Variants in BCO1 observed in about 807,000 individuals in gnomAD.
BCO1 encodes the protein beta,beta-carotene 15,15'-dioxygenase.
In BCO1, 54 loss-of-function variants were observed where a neutral mutation model predicts 56.3. The ratio of observed to expected loss-of-function variants is 0.96; its 90% CI spans 0.77 to 1.20. The LOEUF is 1.20. Ranked by LOEUF, BCO1 falls within the 50% of genes most tolerant of loss-of-function variation. The pLI, the probability that BCO1 is intolerant of heterozygous loss-of-function variation, is 0.00. For missense variants in BCO1, 801 were observed against 690.9 expected (o/e 1.16, Z -1.79); for synonymous variants, 318 against 266.1 (o/e 1.20, Z -1.90).
Position 81,290,393 on chromosome 16 carries a change from C to CT in BCO1, c.1464dup (p.Leu489SerfsTer18). ...GTCTCTACTGATCCCCAAAAGCTGC[C>CT]TTTTCTGCTCATTCTGGATGCCAAA... On this transcript the variant is annotated frameshift_variant, in exon 11 of 11. Coordinates refer to ENST00000258168, the MANE Select transcript of BCO1 (RefSeq NM_017429.3). LOFTEE classifies it low-confidence loss of function (END_TRUNC). 3 of 1,614,198 alleles carry CT rather than the reference C, an allele frequency of 1.9e-6. No homozygotes were observed. The highest frequency in any genetic ancestry group is 1.1e-5 in the South Asian group (1 of 91,088).
chr16:81,278,208 A>G (rs1032470619), intron 7 of BCO1, among the ~76,000 whole-genome samples: 1 of 151,986 alleles, frequency 6.6e-6, no homozygotes, highest in African/African-American at 2.4e-5. Context: ...CGCAGGGCTA[A>G]TTTTTACATT....
chr16:81,249,470 A>C (rs1402457169), intron 2 of BCO1, among the ~76,000 whole-genome samples: 1 of 152,020 alleles, frequency 6.6e-6, no homozygotes, highest in African/African-American at 2.4e-5. Flanking sequence ...GTTAGCCAGG[A>C]TGGTCTTGAT....
chr16:81,262,117 G>T lies in BCO1; in HGVS notation c.324-19G>T. 1 of 1,612,922 alleles carries T rather than the reference G, an allele frequency of 6.2e-7. No homozygotes were observed. The highest frequency in any genetic ancestry group is 1.1e-5 in the South Asian group (1 of 91,048). On this transcript the variant is annotated intron_variant, in intron 3 of 10. Transcript: ENST00000258168. ...GGTGGACATAGCCACTGACTCTGTT[G>T]ATTTGCTTTTCTCCCCAGAGCTTTC...
At chr16:81,273,487 C>T (rs1176487896) in intron 7 of BCO1, among the ~76,000 whole-genome samples, 2 of 152,248 alleles carry the variant, frequency 1.3e-5, no homozygotes, top group African/African-American at 4.8e-5. Flanking sequence ...AGCCAGCGGG[C>T]AGGGGAGCTG....
At chr16:81,245,363 T>C in intron 1 of BCO1, 112 bp from the exon 2 acceptor site, 1 of 1,494,354 alleles carries the variant, frequency 6.7e-7, no homozygotes, top group East Asian at 2.3e-5. Flanking sequence ...AACGAACAGA[T>C]GCAAGGAGTG....
intron 7 of BCO1, among the ~76,000 whole-genome samples, chr16:81,278,331 C>T (rs1024916128): frequency 2.0e-5 from 3 of 152,118 alleles, no homozygotes; most frequent in African/African-American, 7.2e-5. Context: ...CATGAGCCCC[C>T]GCACTCAGCT....
rs550747782 is a variant in BCO1 at position 81,270,684 on chromosome 16, C to T, written c.1101+268C>T. 4.4e-4 allele frequency among the ~76,000 whole-genome samples: 24 copies of T among 54,096 alleles called. No individual in the cohort carries two copies. The South Asian group carries it at 0.014, about 31-fold the overall frequency. 35.5% of individuals were successfully genotyped at this position (54,096 alleles called of 152,430 possible). The stretch of plus-strand genomic sequence containing the variant: ...TATATGTTTGTCTCCCAGTCTCTCT[C>T]TCTGTGTCTGTGTGTGTGTGTGTGT... On this transcript the variant is annotated intron_variant, in intron 7 of 10. Coordinates refer to ENST00000258168, the MANE Select transcript of BCO1 (RefSeq NM_017429.3).
chr16:81,290,350 G>A lies in BCO1; in HGVS notation c.1417G>A (p.Val473Ile). Reference protein sequence around the residue: ...APGAKDEDDGVILSAIVSTDP... With the variant: ...APGAKDEDDGIILSAIVSTDP... ...GTTTTTTTTCTGTTTCCCTAAAGGA[G>A]TAATCTTATCAGCCATTGTCTCTAC... Residue 473 changes from valine to isoleucine, a missense_variant and splice_region_variant, in exon 11 of 11, where the codon GTA becomes ATA. Physicochemically the swap from Val to Ile is conservative, Grantham distance 29. Transcript: ENST00000258168. The A allele has an allele frequency of 6.2e-7, 1 of 1,612,938 alleles. No homozygotes were observed. Among genetic ancestry groups the A allele is most frequent in the Non-Finnish European group, 8.5e-7 (1 of 1,178,916 alleles).
intron 2 of BCO1, among the ~76,000 whole-genome samples, chr16:81,257,725 A>T (rs1011949992): frequency 9.9e-5 from 15 of 151,916 alleles, no homozygotes; most frequent in African/African-American, 3.1e-4. Context: ...AAAATATTTT[A>T]AAAATTAGCT....
At chr16:81,243,346 C>T (rs1905223359) in intron 1 of BCO1, among the ~76,000 whole-genome samples, 2 of 152,152 alleles carry the variant, frequency 1.3e-5, no homozygotes, top group African/African-American at 4.8e-5. Context: ...ATCCTGTTGA[C>T]CTTTGTCCCC....
intron 8 of BCO1, among the ~76,000 whole-genome samples, chr16:81,281,828 C>A (rs1372837934): frequency 6.6e-6 from 1 of 152,152 alleles, no homozygotes; most frequent in African/African-American, 2.4e-5. Context: ...CAGGAAGACC[C>A]CCATCCTGAA....
intron 2 of BCO1, among the ~76,000 whole-genome samples, chr16:81,249,681 G>A (rs1410678381): frequency 3.9e-5 from 6 of 152,186 alleles, no homozygotes; most frequent in Admixed American, 6.5e-5. Context: ...GATTACAGGC[G>A]TGAGCCACCG....
intron 5 of BCO1, among the ~76,000 whole-genome samples, chr16:81,266,633 C>T (rs970762159): frequency 8.3e-4 from 127 of 152,102 alleles, no homozygotes; most frequent in Non-Finnish European, 3.1e-4. Context: ...AATGCCATAC[C>T]TGGGGATTGT....
chr16:81,262,842 A>AC (rs796116597), intron 4 of BCO1: 1,036 of 63,542 alleles, frequency 0.016, 9 homozygotes, highest in South Asian at 0.034. Flanking sequence ...AAAACAAAAA[A>AC]AAAAAAAAAA....
chr16:81,290,314 T>G (rs760320853), intron 10 of BCO1, 34 bp from the exon 11 acceptor site: 1 of 1,569,772 alleles, frequency 6.4e-7, no homozygotes, highest in Non-Finnish European at 8.8e-7. Context: ...AAGCCTGCAC[T>G]TTTACGAAGT....
intron 6 of BCO1, among the ~76,000 whole-genome samples, chr16:81,269,407 T>G (rs1016727303): frequency 1.3e-5 from 2 of 151,862 alleles, no homozygotes; most frequent in Non-Finnish European, 2.9e-5. Context: ...GCTATTCTCC[T>G]CTCTCAGCCT....
intron 9 of BCO1, among the ~76,000 whole-genome samples, chr16:81,286,540 C>G (rs932752619): frequency 6.6e-6 from 1 of 152,074 alleles, no homozygotes; most frequent in African/African-American, 2.4e-5. Context: ...AATTGCAGTG[C>G]AATTTCAAAT....
chr16:81,288,028 G>T (rs1008556633), intron 10 of BCO1, among the ~76,000 whole-genome samples: 1 of 152,140 alleles, frequency 6.6e-6, no homozygotes, highest in African/African-American at 2.4e-5. Flanking sequence ...CCCACTGTAA[G>T]GGTAGACTGC....
At position 81,264,784 on chromosome 16, in the gene BCO1, C is replaced by G. The variant is rs200324875; in HGVS notation, c.616C>G (p.Pro206Ala). ...YVIFKIPATV[P>A]EGKKQGKSPW... The stretch of plus-strand genomic sequence containing the variant: ...GATTTTTAAGATCCCTGCCACAGTA[C>G]CAGGTAGGCCACTCTGGGGAATTGA... The change falls in exon 5 of 11, where the codon CCA becomes GCA. Residue 206 changes from proline to alanine, a missense_variant. Pro to Ala is a conservative substitution (Grantham distance 27, BLOSUM62 -1). Coordinates refer to ENST00000258168, the MANE Select transcript of BCO1 (RefSeq NM_017429.3). The G allele has an allele frequency of 1.2e-6, 2 of 1,614,080 alleles. No individual in the cohort carries two copies. The highest frequency in any genetic ancestry group is 2.2e-5 in the East Asian group (1 of 44,872).
Sources: gnomAD v4.1 joint callset for allele counts (sites outside exome capture counted in the v4.1 genomes callset) on GRCh38, gnomAD v4.1.1 for gene constraint, MANE v1.5 for transcripts, NCBI Gene and HGNC (gene_info 2026-07-23, HGNC 2026-07-21) for gene names.